The following NLGN1 variants were observed in gnomAD, a reference collection of about 807,000 sequenced individuals.
NLGN1 encodes the protein neuroligin-1.
A neutral mutation model predicts 65.5 loss-of-function variants in NLGN1; 12 were observed. That is an observed-to-expected ratio of 0.18 (90% CI 0.12 to 0.30). The LOEUF (loss-of-function observed/expected upper bound fraction) is 0.30. Among genes scored for constraint, NLGN1 ranks in the 10% least tolerant of loss-of-function variants. The pLI, the probability that NLGN1 is intolerant of heterozygous loss-of-function variation, is 1.00. For missense variants in NLGN1, 750 were observed against 1,007.1 expected (o/e 0.74, Z 3.46); for synonymous variants, 350 against 359.5 (o/e 0.97, Z 0.30).
chr3:174,196,990 A>T (rs1561267830), intron 4 of NLGN1, among the ~76,000 whole-genome samples: 1 of 152,176 alleles, frequency 6.6e-6, no homozygotes. Flanking sequence ...TGTGCTTTCA[A>T]TAAATATTTA....
intron 3 of NLGN1, among the ~76,000 whole-genome samples, chr3:173,675,887 T>TCTCTCTCACACACA (rs756157881): frequency 1.6e-3 from 216 of 138,632 alleles, no homozygotes; most frequent in East Asian, 3.5e-3. Flanking sequence ...TCTCTCTCTC[T>TCTCTCTCACACACA]CACACACACA....
At chr3:173,539,297 G>A (rs1738009292) in intron 2 of NLGN1, among the ~76,000 whole-genome samples, 1 of 151,352 alleles carries the variant, frequency 6.6e-6, no homozygotes, top group African/African-American at 2.4e-5. Context: ...TAGCAAGAGT[G>A]GGGATATGTA....
chr3:173,728,518 C>T (rs899901619), intron 3 of NLGN1, among the ~76,000 whole-genome samples: 9 of 151,938 alleles, frequency 5.9e-5, no homozygotes, highest in African/African-American at 2.2e-4. Context: ...ATAGTGCCCC[C>T]CCTCCAACAA....
chr3:173,920,892 T>A (rs1206974679), intron 4 of NLGN1: 1 of 152,056 alleles, frequency 6.6e-6, no homozygotes, highest in Non-Finnish European at 1.5e-5. Context: ...GGCTGATAAA[T>A]GTATACATAT....
intron 3 of NLGN1, among the ~76,000 whole-genome samples, chr3:173,617,067 C>T (rs922480485): frequency 1.3e-5 from 2 of 152,078 alleles, no homozygotes; most frequent in Non-Finnish European, 2.9e-5. Flanking sequence ...TACCTCAGGA[C>T]CCTTGCACAT....
chr3:173,485,469 C>T (rs1728028110), intron 2 of NLGN1, among the ~76,000 whole-genome samples: 2 of 152,082 alleles, frequency 1.3e-5, no homozygotes, highest in Non-Finnish European at 2.9e-5. Context: ...TTTTTCAAGT[C>T]CCATAAAAAA....
At chr3:173,713,350 T>G (rs186124978) in intron 3 of NLGN1, among the ~76,000 whole-genome samples, 1 of 152,160 alleles carries the variant, frequency 6.6e-6, no homozygotes, top group African/African-American at 2.4e-5. Context: ...GATACATGGC[T>G]TCATAACTCG....
At chr3:173,944,198 G>A (rs909860091) in intron 4 of NLGN1, among the ~76,000 whole-genome samples, 20 of 149,754 alleles carry the variant, frequency 1.3e-4, no homozygotes, top group Non-Finnish European at 2.4e-4. Context: ...AAAGCTTCCC[G>A]AAAGGAGGCA....
At chr3:173,992,948 G>A (rs1408173510) in intron 4 of NLGN1, among the ~76,000 whole-genome samples, 1 of 152,042 alleles carries the variant, frequency 6.6e-6, no homozygotes, top group Non-Finnish European at 1.5e-5. Flanking sequence ...TATCCATGTG[G>A]GTTACGAATC....
chr3:174,020,009 A>G (rs567206614), intron 4 of NLGN1, among the ~76,000 whole-genome samples: 1 of 152,048 alleles, frequency 6.6e-6, no homozygotes, highest in Non-Finnish European at 1.5e-5. Flanking sequence ...TCATATATTA[A>G]CTTTGTGCTC....
At chr3:174,254,882 C>T (rs778888700) in intron 4 of NLGN1, among the ~76,000 whole-genome samples, 3 of 152,130 alleles carry the variant, frequency 2.0e-5, no homozygotes, top group African/African-American at 4.8e-5. Context: ...AAAAAGAAAT[C>T]ATTAACTAAT....
intron 2 of NLGN1, among the ~76,000 whole-genome samples, chr3:173,537,839 C>G (rs1353727293): frequency 6.6e-6 from 1 of 152,156 alleles, no homozygotes; most frequent in Non-Finnish European, 1.5e-5. Context: ...CAGACATCCT[C>G]TTTCTTACCT....
chr3:173,585,360 T>G (rs546321840), intron 2 of NLGN1, among the ~76,000 whole-genome samples: 2 of 152,218 alleles, frequency 1.3e-5, no homozygotes, highest in South Asian at 4.2e-4. Context: ...AAAACCTGCA[T>G]GTAGAGCGGA....
At chr3:173,876,327 G>T (rs1207167599) in intron 4 of NLGN1, among the ~76,000 whole-genome samples, 1 of 152,076 alleles carries the variant, frequency 6.6e-6, no homozygotes, top group Non-Finnish European at 1.5e-5. Flanking sequence ...CAGTTTAAAA[G>T]ATTTGGGTAT....
rs1392860677 is a variant in NLGN1 at position 174,280,754 on chromosome 3, A to T, written c.1923A>T (p.Lys641Asn). The T allele has an allele frequency of 6.2e-7, 1 of 1,613,326 alleles. No individual in the cohort carries two copies. Among genetic ancestry groups the T allele is most frequent in the South Asian group, 1.1e-5 (1 of 91,074 alleles). Residue 641 changes from lysine (K) to asparagine (N), a missense_variant, in exon 7 of 7, where the codon AAA (lysine) becomes AAT (asparagine). Physicochemically the swap from Lys to Asn is moderately conservative, Grantham distance 94. Coordinates refer to ENST00000457714, the Ensembl canonical transcript of NLGN1. This position sits in a 1 kb window ranked among gnomAD's most constrained non-coding sequence, Gnocchi z 4.9. ...ACATCACTTTCAGACCTACGAGAAA[A>T]AATTCTGTACCTGTCACGTCAGCCT... is the stretch of plus-strand genomic sequence containing the variant.
Position 173,529,193 on chromosome 3 carries a change from T to A in NLGN1, c.-320-75086T>A, listed in dbSNP as rs184705023. Among the ~76,000 whole-genome samples the A allele has an allele frequency of 3.3e-3, 507 of 152,280 alleles. 12 individuals carry two copies. Among genetic ancestry groups the A allele is most frequent in the Admixed American group, 0.031 (468 of 15,286 alleles). ...TAGGTAGGGGCCTTTTGGCTTTGCT[T>A]CTATGGTCCTGTGCACTTCTGTTGG... On this transcript the variant is annotated intron_variant, in intron 2 of 6. Transcript: ENST00000457714.
At chr3:173,645,127 G>C (rs1486525371) in intron 3 of NLGN1, among the ~76,000 whole-genome samples, 1 of 152,222 alleles carries the variant, frequency 6.6e-6, no homozygotes, top group African/African-American at 2.4e-5. Flanking sequence ...GTTGGACTTT[G>C]GCTGGTTCCA....
chr3:173,561,893 T>G (rs770792660), intron 2 of NLGN1, among the ~76,000 whole-genome samples: 1 of 152,210 alleles, frequency 6.6e-6, no homozygotes. Context: ...TATAATCTGC[T>G]GAAGGCTCGA....
chr3:174,255,205 G>A (rs528466506), intron 4 of NLGN1, among the ~76,000 whole-genome samples: 1 of 152,100 alleles, frequency 6.6e-6, no homozygotes, highest in Non-Finnish European at 1.5e-5. Flanking sequence ...GGAGGCCGAG[G>A]TGGGCGGACC....
Sources: allele counts gnomAD v4.1 joint callset (sites outside exome capture counted in the v4.1 genomes callset), GRCh38; gene constraint gnomAD v4.1.1; non-coding constraint Gnocchi (gnomAD v3.1); transcripts MANE v1.5; gene names NCBI Gene and HGNC (gene_info 2026-07-23, HGNC 2026-07-21).